Variants in AGAP1 observed in about 807,000 individuals in gnomAD.
The protein encoded by AGAP1 is arf-GAP with GTPase, ANK repeat and PH domain-containing protein 1.
Under a neutral mutation model 105.3 loss-of-function variants are expected in AGAP1, and 29 were observed. That is an observed-to-expected ratio of 0.28 (90% CI 0.21 to 0.38). The LOEUF is 0.38. AGAP1 is among the 10% of genes least tolerant of loss of function. The probability of loss-of-function intolerance (pLI) is 1.00; values close to 1 mark genes in which losing one functional copy is unlikely to be tolerated. For synonymous variants in AGAP1, 509 were observed against 485.9 expected (o/e 1.05, Z -0.63); for missense variants, 998 against 1,165.1 (o/e 0.86, Z 2.09).
chr2:235,799,608 T>C lies in AGAP1; in HGVS notation c.957+86T>C. 1 of 1,428,032 alleles carries C rather than the reference T, an allele frequency of 7.0e-7. No individual in the cohort carries two copies. The highest frequency in any genetic ancestry group is 9.6e-7 in the Non-Finnish European group (1 of 1,042,242). The allele number at this position is 1,428,032 out of a possible 1,614,324, so 88.5% of individuals were successfully genotyped here. On this transcript the variant is annotated intron_variant, in intron 8 of 17. Coordinates refer to ENST00000304032, the MANE Select transcript of AGAP1 (RefSeq NM_001037131.3). The surrounding 1 kb of genome is among the most constrained non-coding windows in gnomAD (Gnocchi z 5.0). ...ACCTGGTTGCCACATGGTTCAGTGG[T>C]ATTTGTAGAATCTCAACTATATTAA...
chr2:235,759,190 A>G (rs538739970), intron 6 of AGAP1, among the ~76,000 whole-genome samples: 3 of 110,556 alleles, frequency 2.7e-5, no homozygotes, highest in South Asian at 2.9e-4. Flanking sequence ...TTTTTTTGAG[A>G]TGGAGTCTCG....
chr2:235,694,593 AGCCGAGATC>A (rs1462766381), intron 1 of AGAP1, among the ~76,000 whole-genome samples: 1 of 151,780 alleles, frequency 6.6e-6, no homozygotes, highest in Non-Finnish European at 1.5e-5. Context: ...GGTTGCAGTC[AGCCGAGATC>A]GCGCCACTGC....
intron 13 of AGAP1, among the ~76,000 whole-genome samples, chr2:236,024,569 G>C (rs563800069): frequency 7.1e-4 from 108 of 152,106 alleles, no homozygotes; most frequent in Non-Finnish European, 1.3e-3. Context: ...GTTTTCAGCT[G>C]CTTTTAGCCC....
chr2:236,111,083 A>C (rs1187394894), intron 16 of AGAP1, among the ~76,000 whole-genome samples: 1 of 152,176 alleles, frequency 6.6e-6, no homozygotes, highest in Non-Finnish European at 1.5e-5. Flanking sequence ...CAAAGGCTCT[A>C]CCTCTTAATA....
chr2:235,910,413 AAGTG>A (rs1185527321), intron 11 of AGAP1, among the ~76,000 whole-genome samples: 1 of 152,184 alleles, frequency 6.6e-6, no homozygotes, highest in Admixed American at 6.5e-5. Context: ...CCTCCCAAAA[AAGTG>A]AGAACAGTAT....
intron 1 of AGAP1, among the ~76,000 whole-genome samples, chr2:235,595,147 A>T (rs890246563): frequency 6.6e-6 from 1 of 152,120 alleles, no homozygotes; most frequent in African/African-American, 2.4e-5. Context: ...GCCTTGACTC[A>T]GACGGCTTGG....
Position 235,601,439 on chromosome 2 carries a change from A to T in AGAP1, c.163+106590A>T, listed in dbSNP as rs1314173130. Reference sequence around the variant, plus strand: ...TAAAGGAAAGAAGTTTAACGGACTCACAGTTCTACATGGCTGGGGAGGCCT... The same window carrying T: ...TAAAGGAAAGAAGTTTAACGGACTCTCAGTTCTACATGGCTGGGGAGGCCT... On this transcript the variant is annotated intron_variant, in intron 1 of 17. Transcript: ENST00000304032. This position sits in a 1 kb window ranked among gnomAD's most constrained non-coding sequence, Gnocchi z 4.4. Among the ~76,000 whole-genome samples, 6 of 152,330 alleles carry T rather than the reference A, an allele frequency of 3.9e-5. No individual in the cohort carries two copies. In the East Asian group the frequency reaches 1.2e-3, roughly 29 times the overall value.
intron 10 of AGAP1, among the ~76,000 whole-genome samples, chr2:235,902,165 T>C (rs947236590): frequency 6.6e-6 from 1 of 152,242 alleles, no homozygotes; most frequent in Non-Finnish European, 1.5e-5. Flanking sequence ...CTTCAGTCTG[T>C]TGTGATAGGT....
At chr2:235,675,212 CAG>C (rs754165720) in intron 1 of AGAP1, among the ~76,000 whole-genome samples, 1 of 129,704 alleles carries the variant, frequency 7.7e-6, no homozygotes, top group Non-Finnish European at 1.6e-5. Context: ...TTTTTTGAGA[CAG>C]AGTCTCGCTC....
chr2:235,588,546 T>A (rs771791054), intron 1 of AGAP1, among the ~76,000 whole-genome samples: 18 of 151,502 alleles, frequency 1.2e-4, no homozygotes, highest in Non-Finnish European at 1.9e-4. Context: ...AAAATCTGGA[T>A]AAAAAAAAAT....
At chr2:235,581,329 G>A (rs1327500434) in intron 1 of AGAP1, among the ~76,000 whole-genome samples, 1 of 151,624 alleles carries the variant, frequency 6.6e-6, no homozygotes, top group Non-Finnish European at 1.5e-5. Flanking sequence ...AAGATGGAGG[G>A]TGAAAGAGAT....
At chr2:235,782,401 A>G (rs1337600988) in intron 6 of AGAP1, among the ~76,000 whole-genome samples, 1 of 152,230 alleles carries the variant, frequency 6.6e-6, no homozygotes, top group Non-Finnish European at 1.5e-5. Flanking sequence ...ACCATTTGCC[A>G]TCTAAAATTT....
intron 1 of AGAP1, among the ~76,000 whole-genome samples, chr2:235,516,026 T>C (rs1056983890): frequency 1.4e-5 from 2 of 148,054 alleles, no homozygotes; most frequent in African/African-American, 2.6e-5. Flanking sequence ...TGCTCAGGTA[T>C]GGGCTCCTGT....
chr2:235,911,252 C>T (rs1340744520), intron 11 of AGAP1, among the ~76,000 whole-genome samples: 1 of 152,138 alleles, frequency 6.6e-6, no homozygotes, highest in Non-Finnish European at 1.5e-5. Context: ...CTTCAGGAAT[C>T]TCCCCTGTTG....
Position 235,993,863 on chromosome 2 carries a change from A to G in AGAP1, c.1645+25240A>G, listed in dbSNP as rs1416209137. Among the ~76,000 whole-genome samples, 1 of 152,182 alleles carries G rather than the reference A, an allele frequency of 6.6e-6. No individual in the cohort carries two copies. The highest frequency in any genetic ancestry group is 1.9e-4 in the East Asian group (1 of 5,188). ...GAGTTTTAATTACTTACCCAGCAAC[A>G]TTCAGGACGTCCTGAGACCTCGTCA... On this transcript the variant is annotated intron_variant, in intron 13 of 17. Coordinates refer to ENST00000304032, the MANE Select transcript of AGAP1 (RefSeq NM_001037131.3). The surrounding 1 kb of genome is among the most constrained non-coding windows in gnomAD (Gnocchi z 5.0).
Position 236,113,187 on chromosome 2 carries a change from C to T in AGAP1, c.2115-7005C>T, listed in dbSNP as rs2059692797. ...ACGGAGTCTCGCTCTTTTGCCCAGG[C>T]TGGAGTGCAGTGGTGCAATCTCAAC... is the stretch of plus-strand genomic sequence containing the variant. On this transcript the variant is annotated intron_variant, in intron 16 of 17. Coordinates refer to ENST00000304032, the MANE Select transcript of AGAP1 (RefSeq NM_001037131.3). The surrounding 1 kb of genome is among the most constrained non-coding windows in gnomAD (Gnocchi z 4.3). 1.3e-5 allele frequency among the ~76,000 whole-genome samples: 2 copies of T among 152,246 alleles called. No homozygotes were observed. Among genetic ancestry groups the T allele is most frequent in the South Asian group, 4.1e-4 (2 of 4,830 alleles).
chr2:236,099,442 G>A (rs557810823), intron 16 of AGAP1, among the ~76,000 whole-genome samples: 16 of 150,854 alleles, frequency 1.1e-4, no homozygotes, highest in South Asian at 2.1e-4. Flanking sequence ...GCGACAGAGC[G>A]AGACTCCGCC....
intron 1 of AGAP1, among the ~76,000 whole-genome samples, chr2:235,675,768 G>A (rs776152587): frequency 2.6e-5 from 4 of 152,154 alleles, no homozygotes; most frequent in Admixed American, 1.3e-4. Flanking sequence ...CTAAGTCACC[G>A]CTGTGGGCTG....
intron 16 of AGAP1, among the ~76,000 whole-genome samples, chr2:236,103,530 T>A (rs538640018): frequency 6.6e-6 from 1 of 152,066 alleles, no homozygotes; most frequent in Admixed American, 6.5e-5. Flanking sequence ...TTTTTCTTTC[T>A]TTTCTCTTTT....
Sources: allele counts gnomAD v4.1 joint callset (sites outside exome capture counted in the v4.1 genomes callset), GRCh38; gene constraint gnomAD v4.1.1; non-coding constraint Gnocchi (gnomAD v3.1); transcripts MANE v1.5; gene names NCBI Gene and HGNC (gene_info 2026-07-23, HGNC 2026-07-21).